DDX27: variants seen among roughly 807,000 people sequenced by gnomAD.
DDX27 encodes probable ATP-dependent RNA helicase DDX27.
DDX27 carries 42 observed loss-of-function variants against 99.3 expected under a neutral mutation model. The observed-to-expected ratio is 0.42, with a 90% CI of 0.33 to 0.55. DDX27 has a LOEUF of 0.55. DDX27 is among the 20% of genes least tolerant of loss of function. The probability of loss-of-function intolerance (pLI) is 0.07; values close to 1 mark genes in which losing one functional copy is unlikely to be tolerated. For missense variants in DDX27, 798 were observed against 976.8 expected (o/e 0.82, Z 2.44); for synonymous variants, 329 against 353.8 (o/e 0.93, Z 0.79).
chr20:49,222,949 A>G lies in DDX27; in HGVS notation c.241-8A>G. The G allele has an allele frequency of 6.3e-7, 1 of 1,596,370 alleles. No homozygotes were observed. Among genetic ancestry groups the G allele is most frequent in the Non-Finnish European group, 8.5e-7 (1 of 1,173,410 alleles). On this transcript the variant is annotated splice_polypyrimidine_tract_variant and splice_region_variant and intron_variant, in intron 2 of 20. Coordinates refer to ENST00000618172, the MANE Select transcript of DDX27 (RefSeq NM_017895.8). Reference sequence around the variant, plus strand: ...ATTTCTTTTTCACCTCTTTATTTTTATCTGCAGAGGGCAGCCACTACATTA... The same window carrying G: ...ATTTCTTTTTCACCTCTTTATTTTTGTCTGCAGAGGGCAGCCACTACATTA...
chr20:49,243,009 C>T (rs549128312), intron 19 of DDX27, among the ~76,000 whole-genome samples: 6 of 152,138 alleles, frequency 3.9e-5, no homozygotes, highest in South Asian at 2.1e-4. Context: ...CTTGAGCCAC[C>T]GTGCCCGGCG....
chr20:49,239,924 A>G (rs1286515809), intron 16 of DDX27, among the ~76,000 whole-genome samples: 1 of 152,236 alleles, frequency 6.6e-6, no homozygotes, highest in Non-Finnish European at 1.5e-5. Flanking sequence ...ATAAGGATGA[A>G]CCTTGAAAAT....
Position 49,242,632 on chromosome 20 carries a change from G to A in DDX27, c.2155G>A (p.Glu719Lys). The A allele has an allele frequency of 6.2e-7, 1 of 1,614,004 alleles. No homozygotes were observed. The highest frequency in any genetic ancestry group is 1.3e-5 in the African/African-American group (1 of 75,004). ...GCAGGGGAAGAAATCTGTATTTGAT[G>A]AAGAACTCACCAACACAAGCAAGAA... ...QKQGKKSVFD[E>K]ELTNTSKKAL... is the part of the protein sequence containing the mutation. Residue 719 changes from glutamate to lysine, a missense_variant, in exon 19 of 21, where the codon GAA becomes AAA. This residue lies in a region of DDX27 where 553 missense variants were observed against 727.9 expected (regional missense o/e 0.76). Transcript: ENST00000618172.
At position 49,242,100 on chromosome 20, in the gene DDX27, G is replaced by C. The variant is rs1480218452; in HGVS notation, c.2010G>C (p.Gln670His). Residue 670 changes from glutamine (Q) to histidine (H), a missense_variant, in exon 18 of 21, where the codon CAG (glutamine) becomes CAC (histidine). Physicochemically the swap from Gln to His is conservative, Grantham distance 24. Around this residue, in one of 2 missense-constraint regions of DDX27, gnomAD observed 553 missense variants for 727.9 expected, o/e 0.76. Transcript: ENST00000618172. ...CCCCCTAGGCAGAGGAAAGGTCTCA[G>C]TTTGAAATCCTCAAGGCGCAGATGT... ...KGEMTAEERS[Q>H]FEILKAQMFA... 2 of 1,614,110 alleles carry C rather than the reference G, an allele frequency of 1.2e-6. No homozygotes were observed. The highest frequency in any genetic ancestry group is 1.7e-6 in the Non-Finnish European group (2 of 1,180,044).
In DDX27 at chr20:49,223,855, TG is replaced by T. The variant is rs1481705340; in HGVS notation, c.466+425del. ...GAGATTGTCCCACTGAACTTAACCC[TG>T]GGCCACAGAATGAGACCCTGTCTCA... On this transcript the variant is annotated intron_variant, in intron 4 of 20. Coordinates refer to ENST00000618172, the MANE Select transcript of DDX27 (RefSeq NM_017895.8). Among the ~76,000 whole-genome samples the T allele has an allele frequency of 3.3e-5, 5 of 152,118 alleles. No homozygotes were observed. The East Asian group carries it at 9.6e-4, about 29-fold the overall frequency.
chr20:49,230,147 C>T, intron 8 of DDX27, 52 bp from the exon 9 acceptor site: 2 of 1,557,864 alleles, frequency 1.3e-6, no homozygotes, highest in Non-Finnish European at 1.7e-6. Flanking sequence ...GCTCAGTCAA[C>T]ACCCATGAGC....
intron 4 of DDX27, among the ~76,000 whole-genome samples, chr20:49,224,348 A>G (rs751748233): frequency 1.4e-5 from 2 of 147,018 alleles, no homozygotes; most frequent in Non-Finnish European, 3.0e-5. Flanking sequence ...TGGGTGCTCA[A>G]TAAGTATTTC....
At chr20:49,226,988 A>G (rs373359031) in intron 7 of DDX27, among the ~76,000 whole-genome samples, 55 of 138,870 alleles carry the variant, frequency 4.0e-4, no homozygotes, top group East Asian at 6.6e-4. Context: ...TCAGCCTCCC[A>G]AGTAGCTGGG....
At chr20:49,221,256 G>A (rs966158174) in intron 1 of DDX27, among the ~76,000 whole-genome samples, 196 bp from the exon 2 acceptor site, 3 of 152,122 alleles carry the variant, frequency 2.0e-5, no homozygotes, top group African/African-American at 7.2e-5. Context: ...CACCACACCC[G>A]TCTTTTTTGT....
In DDX27 at chr20:49,242,028, G is replaced by A. The variant is rs188545931; in HGVS notation, c.1992+41G>A. ...TTTGGAGTTTGGGCCCACTCGGTGG[G>A]GTGGGTCAGAGTGGCCTGGTGTGTT... On this transcript the variant is annotated intron_variant, in intron 17 of 20. Coordinates refer to ENST00000618172, the MANE Select transcript of DDX27 (RefSeq NM_017895.8). 14 of 1,613,828 alleles carry A rather than the reference G, an allele frequency of 8.7e-6. No homozygotes were observed. The African/African-American group carries it at 1.5e-4, about 17-fold the overall frequency.
intron 11 of DDX27, chr20:49,233,914 T>C (rs1440469138): frequency 3.5e-6 from 2 of 563,618 alleles, no homozygotes; most frequent in Non-Finnish European, 3.1e-6. Flanking sequence ...CCAATCCTCT[T>C]TGTGTCCTGT....
chr20:49,236,129 G>T lies in DDX27; in HGVS notation c.1428-21G>T. The T allele has an allele frequency of 6.3e-7, 1 of 1,598,492 alleles. No individual in the cohort carries two copies. The highest frequency in any genetic ancestry group is 8.5e-7 in the Non-Finnish European group (1 of 1,171,974). On this transcript the variant is annotated intron_variant, in intron 12 of 20. Transcript: ENST00000618172. The surrounding 1 kb of genome is among the most constrained non-coding windows in gnomAD (Gnocchi z 4.1). ...TTAGGGGAGGGTGTCTGGATGAACA[G>T]CTGTTTGTGACTGTTTCTAGGCGTT...
Position 49,243,800 on chromosome 20 carries a change from T to A in DDX27, c.2280-16T>A. ...TCTCCATCCTCATTCTGGTCTTAAC[T>A]CTGATTTTCTTACAGATACAAGAGG... On this transcript the variant is annotated splice_polypyrimidine_tract_variant and intron_variant, in intron 20 of 20. Transcript: ENST00000618172. The A allele has an allele frequency of 6.2e-7, 1 of 1,614,212 alleles. No individual in the cohort carries two copies. Among genetic ancestry groups the A allele is most frequent in the Admixed American group, 1.7e-5 (1 of 60,024 alleles).
chr20:49,229,114 T>A (rs1051540087), intron 8 of DDX27, among the ~76,000 whole-genome samples: 1 of 148,748 alleles, frequency 6.7e-6, no homozygotes, highest in African/African-American at 2.5e-5. Context: ...CTTGGCTCAC[T>A]GCAAGCTCCG....
chr20:49,222,258 G>A (rs1258691688), intron 2 of DDX27, among the ~76,000 whole-genome samples: 5 of 151,646 alleles, frequency 3.3e-5, no homozygotes, highest in Non-Finnish European at 5.9e-5. Context: ...TTAGCCTCCC[G>A]AGTTGCTGGG....
At chr20:49,237,026 A>G (rs572944129) in intron 14 of DDX27, among the ~76,000 whole-genome samples, 1 of 152,178 alleles carries the variant, frequency 6.6e-6, no homozygotes, top group Non-Finnish European at 1.5e-5. Flanking sequence ...AAAAATTTTT[A>G]AAGTTATAAA....
At chr20:49,225,769 G>A (rs1979865191) in intron 6 of DDX27, among the ~76,000 whole-genome samples, 1 of 152,054 alleles carries the variant, frequency 6.6e-6, no homozygotes, top group Non-Finnish European at 1.5e-5. Context: ...ACTCTCTTAA[G>A]CAATGAGTTC....
At chr20:49,230,377 C>A in intron 9 of DDX27, 28 bp downstream of exon 9, 1 of 1,591,252 alleles carries the variant, frequency 6.3e-7, no homozygotes, top group Non-Finnish European at 8.5e-7. Context: ...GGGCCCAGGG[C>A]ACTGTGGGGT....
chr20:49,226,879 T>TTTTTTTC (rs1285570586), intron 7 of DDX27, among the ~76,000 whole-genome samples: 1 of 144,150 alleles, frequency 6.9e-6, no homozygotes, highest in Non-Finnish European at 1.5e-5. Flanking sequence ...TTTTTTTTTT[T>TTTTTTTC]TGAGACGGAG....
Sources: gnomAD v4.1 joint callset for allele counts (sites outside exome capture counted in the v4.1 genomes callset) on GRCh38, gnomAD v4.1.1 for gene constraint, gnomAD v4.1.1 regional missense constraint, Gnocchi (gnomAD v3.1) non-coding constraint, MANE v1.5 for transcripts, NCBI Gene and HGNC (gene_info 2026-07-23, HGNC 2026-07-21) for gene names.